Variants in PRSS21 observed in about 807,000 individuals in gnomAD.
PRSS21 encodes the protein testisin.
In PRSS21, 40 loss-of-function variants were observed where a neutral mutation model predicts 31.1. The ratio of observed to expected loss-of-function variants is 1.29; its 90% CI spans 1.00 to 1.68. PRSS21 has a LOEUF of 1.68. PRSS21 is among the 40% of genes most tolerant of loss of function. PRSS21 has a pLI of 0.00. For missense variants in PRSS21, 467 were observed against 412.6 expected (o/e 1.13, Z -1.14); for synonymous variants, 186 against 167.7 (o/e 1.11, Z -0.84).
chr16:2,821,173 C>A (rs1208994865), intron 5 of PRSS21, 64 bp downstream of exon 5: 75 of 1,595,632 alleles, frequency 4.7e-5, no homozygotes, highest in Non-Finnish European at 6.0e-6. Context: ...CCTTATTTGA[C>A]CCTCATGCCA....
At position 2,817,587 on chromosome 16, in the gene PRSS21, T is replaced by C. The variant is rs1409754771; in HGVS notation, c.91+131T>C. 1 of 1,393,434 alleles carries C rather than the reference T, an allele frequency of 7.2e-7. No homozygotes were observed. Among genetic ancestry groups the C allele is most frequent in the African/African-American group, 1.4e-5 (1 of 69,326 alleles). 86.3% of individuals were successfully genotyped at this position (1,393,434 alleles called of 1,614,324 possible). On this transcript the variant is annotated intron_variant, in intron 2 of 5. Transcript: ENST00000005995. This position sits in a 1 kb window ranked among gnomAD's most constrained non-coding sequence, Gnocchi z 4.2. Reference sequence around the variant, plus strand: ...CCCGGGATCGAGAACTCTGTTGGCGTGGAAAGTAACTAACGGACGCTGGAG... The same window carrying C: ...CCCGGGATCGAGAACTCTGTTGGCGCGGAAAGTAACTAACGGACGCTGGAG...
In PRSS21 at chr16:2,821,657, C is replaced by A. The variant is rs540765417; in HGVS notation, c.*52C>A. On this transcript the variant is annotated 3_prime_UTR_variant, in exon 6 of 6. Transcript: ENST00000005995. ...GCCACTGCCAAGTCAGGCCCTGGTT[C>A]TCTTCTGTCTTGTTTGGTAATAAAC... 2 of 1,576,878 alleles carry A rather than the reference C, an allele frequency of 1.3e-6. No homozygotes were observed. The highest frequency in any genetic ancestry group is 1.7e-5 in the Admixed American group (1 of 58,074).
intron 4 of PRSS21, among the ~76,000 whole-genome samples, chr16:2,819,780 G>A (rs1039910510): frequency 2.6e-5 from 4 of 152,244 alleles, no homozygotes; most frequent in African/African-American, 9.6e-5. Context: ...TCTTACAGAT[G>A]AGAAAACTGA....
In PRSS21 at chr16:2,821,551, G is replaced by T; in HGVS notation, c.891G>T (p.Trp297Cys). 6.2e-7 allele frequency: 1 copy of T among 1,614,168 alleles called. No homozygotes were observed. Among genetic ancestry groups the T allele is most frequent in the South Asian group, 1.1e-5 (1 of 91,088 alleles). Residue 297 changes from tryptophan to cysteine, a missense_variant, in exon 6 of 6, where the codon TGG (tryptophan) becomes TGT (cysteine). By Grantham distance (215) the Trp-to-Cys change is radical. Transcript: ENST00000005995. ...QSGMSQPDPS[W>C]PLLFFPLLWA... ...GCATGTCCCAGCCAGACCCCTCCTG[G>T]CCGCTACTCTTTTTCCCTCTTCTCT...
At chr16:2,819,523 C>T (rs565790490) in intron 4 of PRSS21, among the ~76,000 whole-genome samples, 74 of 152,314 alleles carry the variant, frequency 4.9e-4, no homozygotes, top group Non-Finnish European at 3.7e-4. Flanking sequence ...GCCCAGCATC[C>T]GGAGGAGCCC....
At position 2,818,764 on chromosome 16, in the gene PRSS21, C is replaced by T; in HGVS notation, c.345C>T (p.Tyr115=). 1.2e-6 allele frequency: 2 copies of T among 1,613,612 alleles called. No homozygotes were observed. Among genetic ancestry groups the T allele is most frequent in the Non-Finnish European group, 1.7e-6 (2 of 1,179,486 alleles). Residue 115 remains tyrosine, a synonymous_variant, in exon 4 of 6, where the codon TAC becomes TAT. Transcript: ENST00000005995. ...CATCCTTCTGGAGCCTGCAGGCCTA[C>T]TACACCCGTTACTTCGTATCGAATA... ...SMPSFWSLQA[Y]YTRYFVSNIY...
At chr16:2,820,649 G>C (rs1049378308) in intron 4 of PRSS21, among the ~76,000 whole-genome samples, 1 of 152,160 alleles carries the variant, frequency 6.6e-6, no homozygotes, top group Non-Finnish European at 1.5e-5. Flanking sequence ...AGCTGCCTTC[G>C]CCCCTCCCTC....
rs376418132 is a variant in PRSS21 at position 2,817,325 on chromosome 16, G to A, written c.57G>A (p.Arg19=). The A allele has an allele frequency of 4.9e-3, 7,638 of 1,549,914 alleles. 36 individuals carry two copies. Among genetic ancestry groups the A allele is most frequent in the Middle Eastern group, 0.014 (60 of 4,378 alleles). ...LALLLARAGL[R]KPESQEAAPL... ...TGCTGCTGGCTCGGGCTGGACTCAG[G>A]AAGCCGGGTGAGCTCGGGGCGCTGC... The change falls in exon 1 of 6, where the codon AGG becomes AGA. Residue 19 remains arginine (R), a synonymous_variant. Coordinates refer to ENST00000005995, the MANE Select transcript of PRSS21 (RefSeq NM_006799.4). The surrounding 1 kb of genome is among the most constrained non-coding windows in gnomAD (Gnocchi z 4.2).
chr16:2,819,722 C>T (rs2069139779), intron 4 of PRSS21, among the ~76,000 whole-genome samples: 1 of 152,254 alleles, frequency 6.6e-6, no homozygotes, highest in Admixed American at 6.5e-5. Flanking sequence ...GGCCTCTCCT[C>T]CTGCTGGAGC....
chr16:2,818,537 T>A, intron 3 of PRSS21, 140 bp from the exon 4 acceptor site: 1 of 820,418 alleles, frequency 1.2e-6, no homozygotes, highest in South Asian at 1.7e-5. Flanking sequence ...CTGTCTGGGC[T>A]CCTTCATTTC....
chr16:2,817,245 C>A lies in PRSS21; in HGVS notation c.-24C>A, dbSNP rs1301351959. ...CCGGCGCGAGAGGAGGCAGAGGGGG[C>A]GTCAGGCCGCGGGAGAGGAGGCCAT... On this transcript the variant is annotated 5_prime_UTR_variant, in exon 1 of 6. Transcript: ENST00000005995. The surrounding 1 kb of genome is among the most constrained non-coding windows in gnomAD (Gnocchi z 4.2). 1.3e-6 allele frequency: 2 copies of A among 1,490,290 alleles called. No individual in the cohort carries two copies. Among genetic ancestry groups the A allele is most frequent in the South Asian group, 1.3e-5 (1 of 78,038 alleles). The allele number at this position is 1,490,290 out of a possible 1,614,324, so 92.3% of individuals were successfully genotyped here.
rs745389518 is a variant in PRSS21, at chr16:2,818,913, T to C, written c.494T>C (p.Phe165Ser). The change falls in exon 4 of 6, where the codon TTT (phenylalanine) becomes TCT (serine). Residue 165 changes from phenylalanine to serine, a missense_variant. Transcript: ENST00000005995. The part of the protein sequence containing the change: ...PICLQASTFE[F>S]ENRTDCWVTG... The stretch of plus-strand genomic sequence containing the variant: ...TGTCTCCAGGCCTCCACATTTGAGT[T>C]TGAGAACCGGACAGACTGCTGGGTG... The C allele has an allele frequency of 6.2e-7, 1 of 1,614,210 alleles. No individual in the cohort carries two copies. Among genetic ancestry groups the C allele is most frequent in the South Asian group, 1.1e-5 (1 of 91,086 alleles).
At chr16:2,818,380 G>A (rs879327235) in intron 3 of PRSS21, among the ~76,000 whole-genome samples, 1 of 152,176 alleles carries the variant, frequency 6.6e-6, no homozygotes, top group Non-Finnish European at 1.5e-5. Context: ...CCACATTGGC[G>A]TGGTGCATCT....
intron 4 of PRSS21, among the ~76,000 whole-genome samples, 185 bp from the exon 5 acceptor site, chr16:2,820,770 G>A (rs1185496488): frequency 6.6e-6 from 1 of 152,156 alleles, no homozygotes; most frequent in Non-Finnish European, 1.5e-5. Flanking sequence ...TCCCTCCCCG[G>A]GGCCTTCTGT....
At chr16:2,820,803 G>T in intron 4 of PRSS21, 152 bp from the exon 5 acceptor site, 1 of 769,274 alleles carries the variant, frequency 1.3e-6, no homozygotes, top group Non-Finnish European at 2.1e-6. Flanking sequence ...GGCCTCTGTT[G>T]TGCTGGGGTC....
intron 5 of PRSS21, 86 bp from the exon 6 acceptor site, chr16:2,821,280 C>A: frequency 6.4e-7 from 1 of 1,561,916 alleles, no homozygotes; most frequent in Middle Eastern, 2.0e-4. Context: ...CCCAGTCTAC[C>A]CAGCCCCATA....
Position 2,817,375 on chromosome 16 carries a change from C to T in PRSS21, c.64+43C>T. The T allele has an allele frequency of 1.9e-6, 2 of 1,038,672 alleles. No individual in the cohort carries two copies. Among genetic ancestry groups the T allele is most frequent in the South Asian group, 1.3e-5 (1 of 77,574 alleles). The allele number at this position is 1,038,672 out of a possible 1,614,324, so 64.3% of individuals were successfully genotyped here. On this transcript the variant is annotated intron_variant, in intron 1 of 5. Transcript: ENST00000005995. The surrounding 1 kb of genome is among the most constrained non-coding windows in gnomAD (Gnocchi z 4.2). ...CTGGCGGGATGGGGAGGCGGGGGAG[C>T]GGTGGGGAGGACGGGAGGTGGAGGC...
intron 5 of PRSS21, 51 bp downstream of exon 5, chr16:2,821,160 G>C: frequency 6.2e-7 from 1 of 1,607,138 alleles, no homozygotes; most frequent in Non-Finnish European, 8.5e-7. Context: ...CTGTGTCCCT[G>C]TGCCTTATTT....
At chr16:2,820,239 G>A (rs577459285) in intron 4 of PRSS21, among the ~76,000 whole-genome samples, 2 of 152,370 alleles carry the variant, frequency 1.3e-5, no homozygotes, top group African/African-American at 4.8e-5. Context: ...CCACATCAGA[G>A]GCTAGTTCCC....
Sources: gnomAD v4.1 joint callset for allele counts (sites outside exome capture counted in the v4.1 genomes callset) on GRCh38, gnomAD v4.1.1 for gene constraint, Gnocchi (gnomAD v3.1) non-coding constraint, MANE v1.5 for transcripts, NCBI Gene and HGNC (gene_info 2026-07-23, HGNC 2026-07-21) for gene names.